The following ELAVL2 variants were observed in gnomAD, a reference collection of about 807,000 sequenced individuals.
The protein encoded by ELAVL2 is ELAV like RNA binding protein 2.
ELAVL2 carries 4 observed loss-of-function variants against 34.6 expected under a neutral mutation model. That is an observed-to-expected ratio of 0.12 (90% CI 0.06 to 0.26). The LOEUF (loss-of-function observed/expected upper bound fraction) is 0.26. Among genes scored for constraint, ELAVL2 ranks in the 10% least tolerant of loss-of-function variants. The pLI is 1.00. For missense variants in ELAVL2, 432 were observed against 442.8 expected (o/e 0.98, Z 0.22); for synonymous variants, 193 against 154.8 (o/e 1.25, Z -1.83).
At chr9:23,698,438 A>G (rs2036019057) in intron 5 of ELAVL2, among the ~76,000 whole-genome samples, 2 of 152,206 alleles carry the variant, frequency 1.3e-5, no homozygotes, top group South Asian at 4.1e-4. Flanking sequence ...ATGGATTTTT[A>G]AGCTTTTTGA....
At chr9:23,702,970 A>AAAAC (rs2037913758) in intron 4 of ELAVL2, among the ~76,000 whole-genome samples, 1 of 145,996 alleles carries the variant, frequency 6.8e-6, no homozygotes, top group South Asian at 2.2e-4. Flanking sequence ...AAAAAAAAAA[A>AAAAC]AAAAAAAAAA....
chr9:23,783,432 G>C (rs1344391179), intron 1 of ELAVL2: 4 of 984,980 alleles, frequency 4.1e-6, no homozygotes, highest in Non-Finnish European at 4.8e-6. Context: ...TGAAAAACTG[G>C]TACAATTCTG....
intron 1 of ELAVL2, among the ~76,000 whole-genome samples, chr9:23,796,657 G>A (rs764284574): frequency 4.6e-5 from 7 of 152,292 alleles, no homozygotes; most frequent in South Asian, 4.1e-4. Context: ...CCATCCTTAC[G>A]GAGAGCCTTG....
At chr9:23,721,225 A>G (rs1043895143) in intron 3 of ELAVL2, among the ~76,000 whole-genome samples, 4 of 152,256 alleles carry the variant, frequency 2.6e-5, no homozygotes, top group African/African-American at 9.6e-5. Context: ...AGATATTTCC[A>G]AGAACCCAGA....
intron 1 of ELAVL2, among the ~76,000 whole-genome samples, chr9:23,819,542 A>G (rs563657730): frequency 6.6e-6 from 1 of 152,200 alleles, no homozygotes; most frequent in South Asian, 2.1e-4. Flanking sequence ...CACTGAATAT[A>G]GCTGACTTGA....
intron 2 of ELAVL2, among the ~76,000 whole-genome samples, chr9:23,751,170 G>A (rs1018251636): frequency 1.3e-5 from 2 of 151,954 alleles, no homozygotes; most frequent in Non-Finnish European, 2.9e-5. Context: ...GGACTTGTAC[G>A]CCATACACAT....
intron 1 of ELAVL2, among the ~76,000 whole-genome samples, chr9:23,812,285 A>C (rs2063116421): frequency 2.0e-5 from 3 of 152,162 alleles, no homozygotes; most frequent in African/African-American, 7.2e-5. Context: ...TTCTGAACAT[A>C]ATCTCAACAC....
chr9:23,780,675 A>T (rs2058942592), intron 1 of ELAVL2, among the ~76,000 whole-genome samples: 3 of 152,212 alleles, frequency 2.0e-5, no homozygotes, highest in Non-Finnish European at 2.9e-5. Flanking sequence ...CATGTGTAAC[A>T]CACAGCAGCA....
chr9:23,804,344 T>C (rs1175758565), intron 1 of ELAVL2, among the ~76,000 whole-genome samples: 2 of 152,036 alleles, frequency 1.3e-5, no homozygotes, highest in Admixed American at 1.3e-4. Context: ...CATGAACACT[T>C]TGAACACTTT....
At chr9:23,824,633 C>T (rs550194219) in intron 1 of ELAVL2, among the ~76,000 whole-genome samples, 1 of 152,338 alleles carries the variant, frequency 6.6e-6, no homozygotes, top group African/African-American at 2.4e-5. Flanking sequence ...TCCACCACCA[C>T]CACCCCTTCC....
chr9:23,820,685 CCAGTGAACCGACGCTGG>C (rs1237666672), intron 1 of ELAVL2, among the ~76,000 whole-genome samples: 4 of 152,200 alleles, frequency 2.6e-5, no homozygotes, highest in Non-Finnish European at 5.9e-5. Flanking sequence ...GGAGCACCTG[CCAGTGAACCGACGCTGG>C]CTCCCCCAGT....
At chr9:23,772,480 G>A (rs1388392567) in intron 1 of ELAVL2, among the ~76,000 whole-genome samples, 1 of 139,508 alleles carries the variant, frequency 7.2e-6, no homozygotes, top group African/African-American at 2.7e-5. Context: ...TATTTAGCAG[G>A]ACTTAGAGAT....
At chr9:23,781,268 A>G (rs1419258824) in intron 1 of ELAVL2, among the ~76,000 whole-genome samples, 2 of 152,162 alleles carry the variant, frequency 1.3e-5, no homozygotes, top group Non-Finnish European at 1.5e-5. Flanking sequence ...TCTCCTAAAA[A>G]CACATCTTTA....
intron 1 of ELAVL2, among the ~76,000 whole-genome samples, chr9:23,777,242 A>T (rs2058356274): frequency 1.3e-5 from 2 of 152,174 alleles, no homozygotes; most frequent in African/African-American, 2.4e-5. Context: ...CACTACTTTA[A>T]TCTGAGATGG....
intron 5 of ELAVL2, among the ~76,000 whole-genome samples, chr9:23,700,136 G>T (rs974911598): frequency 1.1e-4 from 16 of 151,916 alleles, no homozygotes; most frequent in African/African-American, 3.9e-4. Context: ...ATCTTATTAG[G>T]TTATATTTGT....
chr9:23,798,682 G>T (rs963850091), intron 1 of ELAVL2, among the ~76,000 whole-genome samples: 1 of 152,058 alleles, frequency 6.6e-6, no homozygotes, highest in African/African-American at 2.4e-5. Flanking sequence ...GGGAGACGAG[G>T]GAGGAGTCAG....
At chr9:23,696,051 TCTTCACTGATTC>T (rs1462582607) in intron 5 of ELAVL2, among the ~76,000 whole-genome samples, 1 of 152,200 alleles carries the variant, frequency 6.6e-6, no homozygotes, top group Non-Finnish European at 1.5e-5. Flanking sequence ...GATACCATGA[TCTTCACTGATTC>T]CTTCACTTCT....
chr9:23,710,601 G>A (rs1235385563), intron 3 of ELAVL2, among the ~76,000 whole-genome samples: 1 of 152,086 alleles, frequency 6.6e-6, no homozygotes, highest in African/African-American at 2.4e-5. Context: ...TACTGACCCA[G>A]GACTACAAAC....
chr9:23,782,708 G>C (rs778161830), intron 1 of ELAVL2, among the ~76,000 whole-genome samples: 2 of 152,198 alleles, frequency 1.3e-5, no homozygotes, highest in East Asian at 3.9e-4. Flanking sequence ...CCCATACCAA[G>C]AAAACCACTT....
Sources: gnomAD v4.1 joint callset for allele counts (sites outside exome capture counted in the v4.1 genomes callset) on GRCh38, gnomAD v4.1.1 for gene constraint, MANE v1.5 for transcripts, NCBI Gene and HGNC (gene_info 2026-07-23, HGNC 2026-07-21) for gene names.